NELL1: variants seen among roughly 807,000 people sequenced by gnomAD.
NELL1 encodes protein kinase C-binding protein NELL1.
In NELL1, 76 loss-of-function variants were observed where a neutral mutation model predicts 107.4. That is an observed-to-expected ratio of 0.71 (90% CI 0.59 to 0.86). NELL1 has a LOEUF of 0.86. Ranked by LOEUF, NELL1 falls within the 40% of genes least tolerant of loss-of-function variation. The probability of loss-of-function intolerance (pLI) is 0.00; values close to 1 mark genes in which losing one functional copy is unlikely to be tolerated. For synonymous variants in NELL1, 353 were observed against 341.2 expected, an observed-to-expected ratio of 1.03 and a Z score of -0.38; for missense variants, 1,024 against 1,005.5, an observed-to-expected ratio of 1.02 and a Z score of -0.25.
intron 3 of NELL1, among the ~76,000 whole-genome samples, chr11:20,841,792 G>T (rs1187796009): frequency 6.6e-6 from 1 of 152,086 alleles, no homozygotes; most frequent in Non-Finnish European, 1.5e-5. Flanking sequence ...CTAGGGCTTT[G>T]CGGATCAGAT....
At position 21,113,570 on chromosome 11, in the gene NELL1, CTTATT is replaced by C. The variant is rs957646227; in HGVS notation, c.1301-16_1301-12del. The C allele has an allele frequency of 2.2e-5, 36 of 1,605,380 alleles. No individual in the cohort carries two copies. The highest frequency in any genetic ancestry group is 5.1e-5 in the Admixed American group (3 of 59,096). On this transcript the variant is annotated splice_polypyrimidine_tract_variant and intron_variant, in intron 12 of 19. Transcript: ENST00000357134. ...CATTATTTTGCTAACCATGATCTTACTTATTTTTTTTCCTTCAGATATTGATGAGT... is the reference window on the plus strand; with the variant it reads ...CATTATTTTGCTAACCATGATCTTACTTTTTTCCTTCAGATATTGATGAGT...
At chr11:20,963,911 T>C (rs115468884) in intron 12 of NELL1, among the ~76,000 whole-genome samples, 1,830 of 152,250 alleles carry the variant, frequency 0.012, 31 homozygotes, top group African/African-American at 0.041. Context: ...GGCTTTCAAT[T>C]TTCTTAACTT....
intron 14 of NELL1, among the ~76,000 whole-genome samples, chr11:21,250,225 A>G (rs1340645195): frequency 2.0e-5 from 3 of 152,210 alleles, no homozygotes; most frequent in African/African-American, 7.2e-5. Context: ...AGATTCAGAC[A>G]GGGATCTGTG....
At chr11:21,151,622 G>A (rs764661755) in intron 13 of NELL1, among the ~76,000 whole-genome samples, 41 of 152,150 alleles carry the variant, frequency 2.7e-4, no homozygotes, top group Non-Finnish European at 5.3e-4. Context: ...TCTGCCTCAT[G>A]TGTTTGCTTT....
At chr11:21,007,540 A>G (rs1247526823) in intron 12 of NELL1, among the ~76,000 whole-genome samples, 3 of 151,940 alleles carry the variant, frequency 2.0e-5, no homozygotes, top group Non-Finnish European at 4.4e-5. Flanking sequence ...TTGCATGCAT[A>G]TCTTACACTC....
chr11:20,942,058 GAA>G (rs1053130090), intron 10 of NELL1, among the ~76,000 whole-genome samples: 14 of 152,164 alleles, frequency 9.2e-5, no homozygotes, highest in African/African-American at 3.1e-4. Flanking sequence ...ACACCTCTTG[GAA>G]AAAAGACAGG....
chr11:21,509,272 G>C (rs1399535778), intron 15 of NELL1, among the ~76,000 whole-genome samples: 1 of 152,020 alleles, frequency 6.6e-6, no homozygotes, highest in African/African-American at 2.4e-5. Context: ...TTTTTCGTTG[G>C]GGCATAAATT....
chr11:21,193,335 C>T (rs938709652), intron 13 of NELL1, among the ~76,000 whole-genome samples: 2 of 151,692 alleles, frequency 1.3e-5, no homozygotes, highest in Non-Finnish European at 1.5e-5. Context: ...ACGCAAGAAC[C>T]TCCTGAGATG....
At chr11:20,923,866 A>ATTTTTGCTATATTTGC (rs1472807608) in intron 7 of NELL1, among the ~76,000 whole-genome samples, 4 of 152,242 alleles carry the variant, frequency 2.6e-5, no homozygotes, top group Non-Finnish European at 5.9e-5. Context: ...TTTTCCTTTC[A>ATTTTTGCTATATTTGC]TATAGCAAAT....
chr11:21,267,867 G>A (rs1222607222), intron 14 of NELL1, among the ~76,000 whole-genome samples: 4 of 152,114 alleles, frequency 2.6e-5, no homozygotes, highest in African/African-American at 9.7e-5. Flanking sequence ...TGATATAAAT[G>A]TAGCTCCTCC....
At chr11:21,080,531 C>A (rs942010952) in intron 12 of NELL1, among the ~76,000 whole-genome samples, 8 of 151,900 alleles carry the variant, frequency 5.3e-5, no homozygotes, top group African/African-American at 1.9e-4. Context: ...TCTTTCTATG[C>A]CTATATTGTA....
intron 16 of NELL1, among the ~76,000 whole-genome samples, chr11:21,559,724 A>G (rs1856805477): frequency 6.6e-6 from 1 of 152,092 alleles, no homozygotes; most frequent in Non-Finnish European, 1.5e-5. Context: ...GTTCCTACTC[A>G]GTGGCTAATA....
intron 15 of NELL1, among the ~76,000 whole-genome samples, chr11:21,447,131 T>C (rs1292613949): frequency 2.0e-5 from 3 of 150,296 alleles, no homozygotes; most frequent in South Asian, 4.1e-4. Flanking sequence ...AGTCAGCTTA[T>C]GGTGAATACT....
At chr11:21,081,212 A>G (rs973110795) in intron 12 of NELL1, among the ~76,000 whole-genome samples, 1 of 152,152 alleles carries the variant, frequency 6.6e-6, no homozygotes, top group Admixed American at 6.6e-5. Context: ...GACCTTTGTC[A>G]ATCACCAACC....
At chr11:21,056,211 G>A (rs1428674480) in intron 12 of NELL1, among the ~76,000 whole-genome samples, 1 of 152,154 alleles carries the variant, frequency 6.6e-6, no homozygotes, top group Non-Finnish European at 1.5e-5. Flanking sequence ...GCTCCTAAAG[G>A]CTGAGCTACA....
intron 15 of NELL1, among the ~76,000 whole-genome samples, chr11:21,441,107 C>G (rs1853270505): frequency 6.6e-6 from 1 of 152,130 alleles, no homozygotes; most frequent in Non-Finnish European, 1.5e-5. Context: ...TCCTACATCT[C>G]AACTACTGGG....
At chr11:21,451,199 A>T (rs897539508) in intron 15 of NELL1, among the ~76,000 whole-genome samples, 3 of 140,402 alleles carry the variant, frequency 2.1e-5, no homozygotes, top group African/African-American at 8.7e-5. Flanking sequence ...AAAAAAAAAA[A>T]AAAGAAAAAA....
intron 14 of NELL1, among the ~76,000 whole-genome samples, chr11:21,242,046 G>C (rs1257954669): frequency 6.6e-6 from 1 of 151,624 alleles, no homozygotes; most frequent in African/African-American, 2.4e-5. Flanking sequence ...GAATAGATAT[G>C]ATGGCATTTT....
At chr11:21,411,412 G>A (rs1945432) in intron 15 of NELL1, among the ~76,000 whole-genome samples, 76,162 of 151,854 alleles carry the variant, frequency 0.5, 19,828 homozygotes, top group African/African-American at 0.64. Context: ...GGCTTAAGTG[G>A]TCACACCTCT....
Sources: gnomAD v4.1 joint callset for allele counts (sites outside exome capture counted in the v4.1 genomes callset) on GRCh38, gnomAD v4.1.1 for gene constraint, MANE v1.5 for transcripts, NCBI Gene and HGNC (gene_info 2026-07-23, HGNC 2026-07-21) for gene names.